Variants in GLIS3 observed in about 807,000 individuals in gnomAD.
GLIS3 encodes GLIS family zinc finger 3.
Under a neutral mutation model 78.6 loss-of-function variants are expected in GLIS3, and 53 were observed. The observed-to-expected ratio is 0.67, with a 90% CI of 0.54 to 0.85. The LOEUF (loss-of-function observed/expected upper bound fraction) is 0.85, where lower values mean the gene tolerates loss of function less well. Ranked by LOEUF, GLIS3 falls within the 40% of genes least tolerant of loss-of-function variation. The pLI, the probability that GLIS3 is intolerant of heterozygous loss-of-function variation, is 0.00. For synonymous variants in GLIS3, 684 were observed against 509.9 expected (o/e 1.34, Z -4.60); for missense variants, 1,703 against 1,231.1 (o/e 1.38, Z -5.74).
rs1378354048 is a variant in GLIS3 at position 4,281,102 on chromosome 9, ATAAAT to A, written c.388+4931_388+4935del. 3.9e-5 allele frequency among the ~76,000 whole-genome samples: 6 copies of A among 152,348 alleles called. No individual in the cohort carries two copies. The South Asian group carries it at 1.0e-3, about 26-fold the overall frequency. On this transcript the variant is annotated intron_variant, in intron 2 of 10. Transcript: ENST00000381971. ...TTAGTCGTTTGAAAAAATAATACAA[ATAAAT>A]TAAAAGAAAAATAGTATTTTTATTT...
intron 2 of GLIS3, among the ~76,000 whole-genome samples, chr9:4,138,309 C>G (rs529687776): frequency 6.6e-6 from 1 of 152,202 alleles, no homozygotes; most frequent in Non-Finnish European, 1.5e-5. Context: ...GGGTGTTAGG[C>G]TTGGTCCTAG....
the GLIS3 span, among the ~76,000 whole-genome samples, chr9:4,398,805 C>G: frequency 3.3e-5 from 5 of 152,216 alleles, no homozygotes; most frequent in African/African-American, 7.2e-5. Flanking sequence ...TTCTCTGCTT[C>G]AGCCTCCCAA....
intron 4 of GLIS3, among the ~76,000 whole-genome samples, chr9:3,982,013 T>TA (rs200094393): frequency 0.038 from 5,778 of 151,256 alleles, 131 homozygotes; most frequent in African/African-American, 0.057. Flanking sequence ...TGCTTACACT[T>TA]AAAAAAAAAT....
chr9:4,330,400 C>G (rs958088460), intron 2 of GLIS3, among the ~76,000 whole-genome samples: 1 of 152,260 alleles, frequency 6.6e-6, no homozygotes, highest in African/African-American at 2.4e-5. Context: ...ATTGCTGATG[C>G]TATTGGTCCA....
intron 3 of GLIS3, among the ~76,000 whole-genome samples, chr9:4,121,464 A>G (rs1326588336): frequency 6.6e-6 from 1 of 152,258 alleles, no homozygotes; most frequent in Non-Finnish European, 1.5e-5. Context: ...ATAAGTAATC[A>G]ATATAGTGAC....
At chr9:4,490,288 C>T in the GLIS3 span, among the ~76,000 whole-genome samples, 2 of 152,230 alleles carry the variant, frequency 1.3e-5, no homozygotes, top group Admixed American at 6.5e-5. Context: ...CCGGAGAGGC[C>T]GCCCCAGCTC....
At chr9:3,836,126 G>A (rs1343880582) in intron 9 of GLIS3, among the ~76,000 whole-genome samples, 1 of 152,224 alleles carries the variant, frequency 6.6e-6, no homozygotes, top group African/African-American at 2.4e-5. Flanking sequence ...GGTATAGTCA[G>A]GAGGCCACCC....
At chr9:4,285,861 C>A (rs1339300969) in intron 2 of GLIS3, 177 bp downstream of exon 2, 1 of 727,110 alleles carries the variant, frequency 1.4e-6, no homozygotes, top group Non-Finnish European at 2.4e-6. Flanking sequence ...ACTGTGGTCC[C>A]CTCCAACACA....
At chr9:4,483,723 G>GA in the GLIS3 span, among the ~76,000 whole-genome samples, 3,696 of 108,474 alleles carry the variant, frequency 0.034, 148 homozygotes, top group African/African-American at 0.1. Context: ...TTCGTCTTGG[G>GA]AAAAAAAAAA....
At chr9:4,166,752 G>C (rs1047109495) in intron 2 of GLIS3, among the ~76,000 whole-genome samples, 1 of 152,230 alleles carries the variant, frequency 6.6e-6, no homozygotes, top group Non-Finnish European at 1.5e-5. Flanking sequence ...TAAGTGAACA[G>C]AGGGTCTTCA....
intron 2 of GLIS3, among the ~76,000 whole-genome samples, chr9:4,126,557 A>C (rs1246293827): frequency 6.6e-6 from 1 of 152,234 alleles, no homozygotes; most frequent in Non-Finnish European, 1.5e-5. Context: ...CAAATTGGAC[A>C]TAGATTTTTC....
At chr9:4,116,236 G>C (rs1831627650) in intron 4 of GLIS3, among the ~76,000 whole-genome samples, 1 of 152,212 alleles carries the variant, frequency 6.6e-6, no homozygotes, top group East Asian at 1.9e-4. Flanking sequence ...TAAAAGGTTG[G>C]ACTGTTTTCC....
chr9:4,026,061 C>T, intron 4 of GLIS3, among the ~76,000 whole-genome samples: 1 of 152,162 alleles, frequency 6.6e-6, no homozygotes, highest in Middle Eastern at 3.4e-3. Context: ...ATAATCCCTA[C>T]AACATTAACA....
chr9:3,982,998 C>A (rs1159615431), intron 4 of GLIS3, among the ~76,000 whole-genome samples: 1 of 152,160 alleles, frequency 6.6e-6, no homozygotes, highest in East Asian at 1.9e-4. Context: ...ACAACATTCT[C>A]TTGCGCTTGT....
chr9:4,249,662 A>G (rs966463539), intron 2 of GLIS3, among the ~76,000 whole-genome samples: 6 of 152,174 alleles, frequency 3.9e-5, no homozygotes, highest in Non-Finnish European at 2.9e-5. Flanking sequence ...TATGTTGAAT[A>G]AGGGTGGTGA....
chr9:4,481,035 T>C, the GLIS3 span, among the ~76,000 whole-genome samples: 2 of 152,108 alleles, frequency 1.3e-5, no homozygotes, highest in Non-Finnish European at 2.9e-5. Flanking sequence ...TTTGTATTTT[T>C]TGTAGAGACA....
chr9:4,102,935 G>C (rs1830482189), intron 4 of GLIS3, among the ~76,000 whole-genome samples: 1 of 151,680 alleles, frequency 6.6e-6, no homozygotes. Context: ...GTAGGTGTTG[G>C]AAAGACAGGA....
rs1465492798 is a variant in GLIS3 at position 3,829,361 on chromosome 9, C to T, written c.2605G>A (p.Ala869Thr). Residue 869 changes from alanine to threonine, a missense_variant, in exon 10 of 11, where the codon GCC (alanine) becomes ACC (threonine). Ala to Thr is a moderately conservative substitution (Grantham distance 58). Transcript: ENST00000381971. ...DCLVPTSMGQ[A>T]SFDVFHRAFS... is the part of the protein sequence containing the mutation. ...GCTCTGTGGAAAACATCAAAACTGG[C>T]CTGGCCCATGGATGTAGGGACTAGG... The T allele has an allele frequency of 6.2e-7, 1 of 1,614,064 alleles. No homozygotes were observed. The highest frequency in any genetic ancestry group is 8.5e-7 in the Non-Finnish European group (1 of 1,179,978).
At chr9:3,922,519 A>T (rs1263856588) in intron 6 of GLIS3, among the ~76,000 whole-genome samples, 1 of 152,196 alleles carries the variant, frequency 6.6e-6, no homozygotes, top group Non-Finnish European at 1.5e-5. Flanking sequence ...GACTCTGAAC[A>T]TGATATAACA....
Sources: gnomAD v4.1 joint callset for allele counts (sites outside exome capture counted in the v4.1 genomes callset) on GRCh38, gnomAD v4.1.1 for gene constraint, MANE v1.5 for transcripts, NCBI Gene and HGNC (gene_info 2026-07-23, HGNC 2026-07-21) for gene names.